The following NBAS variants were observed in gnomAD, a reference collection of about 807,000 sequenced individuals.
NBAS encodes the protein NBAS subunit of NRZ tethering complex.
A neutral mutation model predicts 302.5 loss-of-function variants in NBAS; 219 were observed. The observed-to-expected ratio is 0.72, with a 90% CI of 0.65 to 0.81. NBAS has a LOEUF of 0.81. NBAS is among the 30% of genes least tolerant of loss of function. NBAS has a pLI of 0.00. For synonymous variants in NBAS, 1,118 were observed against 1,021.6 expected (o/e 1.09, Z -1.80); for missense variants, 2,932 against 2,841.6 (o/e 1.03, Z -0.72).
At chr2:15,364,967 C>A (rs1398500415) in intron 32 of NBAS, among the ~76,000 whole-genome samples, 1 of 152,114 alleles carries the variant, frequency 6.6e-6, no homozygotes, top group Non-Finnish European at 1.5e-5. Context: ...AAGGTAAAGG[C>A]CACCTATGAT....
Position 15,561,236 on chromosome 2 carries a change from G to A in NBAS, c.69C>T (p.Leu23=). 1.2e-6 allele frequency: 2 copies of A among 1,613,996 alleles called. No homozygotes were observed. Among genetic ancestry groups the A allele is most frequent in the Non-Finnish European group, 1.7e-6 (2 of 1,180,034 alleles). ...GTAEGEEETI[L]YDLLVNTEWP... is the part of the protein sequence containing the mutation. Reference sequence around the variant, plus strand: ...ACTCGGTGTTGACCAACAAGTCATAGAGAATCGTCTCCTCCTCACCCTCTG... The same window carrying A: ...ACTCGGTGTTGACCAACAAGTCATAAAGAATCGTCTCCTCCTCACCCTCTG... Residue 23 remains leucine, a synonymous_variant, in exon 1 of 52, where the codon CTC becomes CTT. Transcript: ENST00000281513.
At chr2:14,891,008 A>G in the NBAS span, among the ~76,000 whole-genome samples, 1 of 152,168 alleles carries the variant, frequency 6.6e-6, no homozygotes, top group Admixed American at 6.5e-5. Flanking sequence ...TAATTTCTAT[A>G]AAAATTACCA....
the NBAS span, among the ~76,000 whole-genome samples, chr2:14,894,397 C>T: frequency 6.6e-6 from 1 of 152,182 alleles, no homozygotes; most frequent in East Asian, 1.9e-4. Flanking sequence ...AAACCTGGAA[C>T]TGATATCTTA....
At chr2:14,848,281 A>G in the NBAS span, among the ~76,000 whole-genome samples, 1 of 147,122 alleles carries the variant, frequency 6.8e-6, no homozygotes, top group African/African-American at 2.7e-5. Flanking sequence ...GCAAGGGGTC[A>G]GGGAGTTCCC....
At chr2:15,455,183 G>T (rs13429329) in intron 21 of NBAS, among the ~76,000 whole-genome samples, 4 of 152,036 alleles carry the variant, frequency 2.6e-5, no homozygotes, top group Non-Finnish European at 5.9e-5. Context: ...GATTACAGGC[G>T]TGAGCCACCG....
At chr2:15,459,605 A>C (rs188623755) in intron 21 of NBAS, among the ~76,000 whole-genome samples, 1 of 149,390 alleles carries the variant, frequency 6.7e-6, no homozygotes, top group Non-Finnish European at 1.5e-5. Context: ...TCAGCCTCCC[A>C]AGTAGCTGGG....
At chr2:14,931,638 T>C in the NBAS span, among the ~76,000 whole-genome samples, 1 of 152,228 alleles carries the variant, frequency 6.6e-6, no homozygotes, top group East Asian at 1.9e-4. Context: ...TGCATAGCTA[T>C]GTGCAGCATG....
chr2:14,828,229 T>C, the NBAS span, among the ~76,000 whole-genome samples: 1 of 152,124 alleles, frequency 6.6e-6, no homozygotes, highest in Non-Finnish European at 1.5e-5. Context: ...TTTTAGAATG[T>C]GATGTGCGTA....
intron 32 of NBAS, among the ~76,000 whole-genome samples, chr2:15,361,146 T>C (rs1184264494): frequency 1.3e-5 from 2 of 152,164 alleles, no homozygotes; most frequent in Admixed American, 6.5e-5. Flanking sequence ...GGAACCACCA[T>C]TGCATATGAG....
At chr2:15,330,843 T>C in intron 35 of NBAS, 78 bp from the exon 36 acceptor site, 5 of 1,446,248 alleles carry the variant, frequency 3.5e-6, no homozygotes, top group Non-Finnish European at 4.8e-6. Flanking sequence ...ATGTGACTGC[T>C]TAAAATGATC....
the NBAS span, among the ~76,000 whole-genome samples, chr2:14,820,080 C>T: frequency 3.3e-5 from 5 of 152,232 alleles, no homozygotes; most frequent in African/African-American, 4.8e-5. Context: ...TGAATTAGTA[C>T]AACCACTATG....
At chr2:15,452,990 A>G (rs1159340274) in intron 21 of NBAS, among the ~76,000 whole-genome samples, 1 of 152,226 alleles carries the variant, frequency 6.6e-6, no homozygotes, top group Non-Finnish European at 1.5e-5. Flanking sequence ...ACAGGATACT[A>G]TGACATCTGC....
the NBAS span, among the ~76,000 whole-genome samples, chr2:15,040,800 C>T: frequency 3.3e-5 from 5 of 152,332 alleles, no homozygotes; most frequent in East Asian, 1.9e-4. Flanking sequence ...TCCCAGTGCT[C>T]GCACTTGTCC....
At chr2:14,910,309 T>C in the NBAS span, among the ~76,000 whole-genome samples, 1 of 152,188 alleles carries the variant, frequency 6.6e-6, no homozygotes, top group African/African-American at 2.4e-5. Context: ...TGGGTAAGGA[T>C]GAAACATAAT....
At chr2:15,039,753 T>C in the NBAS span, among the ~76,000 whole-genome samples, 1 of 152,174 alleles carries the variant, frequency 6.6e-6, no homozygotes, top group Admixed American at 6.5e-5. Flanking sequence ...CCCCAGCCAC[T>C]GATGGAATCC....
the NBAS span, among the ~76,000 whole-genome samples, chr2:15,156,999 C>T: frequency 6.6e-6 from 1 of 152,154 alleles, no homozygotes; most frequent in Non-Finnish European, 1.5e-5. Context: ...CACACACACT[C>T]CATATACACT....
chr2:15,115,083 C>T, the NBAS span, among the ~76,000 whole-genome samples: 1 of 152,082 alleles, frequency 6.6e-6, no homozygotes, highest in Admixed American at 6.6e-5. Context: ...AATGTATATT[C>T]CTATTGAGGC....
rs552919523 is a variant in NBAS at position 15,239,060 on chromosome 2, T to C, written c.5725-374A>G. On this transcript the variant is annotated intron_variant, in intron 44 of 51. Transcript: ENST00000281513. ...GAAAATAAATACAGGCATAAAGATT[T>C]TAACTGGAATAAGACTATTAATATA... Among the ~76,000 whole-genome samples the C allele has an allele frequency of 5.3e-5, 8 of 152,152 alleles. No homozygotes were observed. The South Asian group carries it at 1.5e-3, about 28-fold the overall frequency.
chr2:15,203,880 G>GCT (rs1558434352), intron 48 of NBAS, among the ~76,000 whole-genome samples: 1 of 130,994 alleles, frequency 7.6e-6, no homozygotes, highest in African/African-American at 2.9e-5. Flanking sequence ...CTGTGTGTGT[G>GCT]TGTGTGTGCT....
Sources: allele counts gnomAD v4.1 joint callset (sites outside exome capture counted in the v4.1 genomes callset), GRCh38; gene constraint gnomAD v4.1.1; transcripts MANE v1.5; gene names NCBI Gene and HGNC (gene_info 2026-07-23, HGNC 2026-07-21).